The following LUC7L2 variants were observed in gnomAD, a reference collection of about 807,000 sequenced individuals.
The protein encoded by LUC7L2 is LUC7 like 2, pre-mRNA splicing factor, also known as putative RNA-binding protein Luc7-like 2.
LUC7L2 carries 25 observed loss-of-function variants against 52.8 expected under a neutral mutation model. That is an observed-to-expected ratio of 0.47 (90% CI 0.34 to 0.66). The LOEUF (loss-of-function observed/expected upper bound fraction) is 0.66. LUC7L2 is among the 30% of genes least tolerant of loss of function. LUC7L2 has a pLI of 0.01. For synonymous variants in LUC7L2, 144 were observed against 160.9 expected, an observed-to-expected ratio of 0.89 and a Z score of 0.80; for missense variants, 328 against 497.8, an observed-to-expected ratio of 0.66 and a Z score of 3.25.
chr7:139,398,974 T>C lies in LUC7L2; in HGVS notation c.255+277T>C, dbSNP rs1272506471. Among the ~76,000 whole-genome samples, 3 of 152,146 alleles carry C rather than the reference T, an allele frequency of 2.0e-5. No homozygotes were observed. The East Asian group carries it at 5.8e-4, about 29-fold the overall frequency. ...CAAAATAGTAATGATTAAGGAAATA[T>C]CAAGCAAATGTAAGCAACTAATTTA... On this transcript the variant is annotated intron_variant, in intron 3 of 9. Coordinates refer to ENST00000354926, the MANE Select transcript of LUC7L2 (RefSeq NM_016019.5).
Position 139,422,443 on chromosome 7 carries a change from G to A in LUC7L2, c.*103G>A. On this transcript the variant is annotated 3_prime_UTR_variant, in exon 10 of 10. Coordinates refer to ENST00000354926, the MANE Select transcript of LUC7L2 (RefSeq NM_016019.5). ...TGACAGTGAGCAGATCCAGACACCA[G>A]ATCCAGCTAGGCTAGATGTACAGTA... 1.3e-6 allele frequency: 2 copies of A among 1,486,414 alleles called. No individual in the cohort carries two copies. Among genetic ancestry groups the A allele is most frequent in the Non-Finnish European group, 1.8e-6 (2 of 1,120,048 alleles). The allele number at this position is 1,486,414 out of a possible 1,614,324, so 92.1% of individuals were successfully genotyped here.
At chr7:139,416,245 C>T (rs1035415724) in intron 8 of LUC7L2, 2 of 151,318 alleles carry the variant, frequency 1.3e-5, no homozygotes, top group Admixed American at 6.6e-5. Context: ...CGTTTATGTC[C>T]TCTCCATGCC....
intron 6 of LUC7L2, among the ~76,000 whole-genome samples, chr7:139,408,420 A>G (rs1303451230): frequency 6.6e-6 from 1 of 152,236 alleles, no homozygotes; most frequent in African/African-American, 2.4e-5. Flanking sequence ...AAATATTTCC[A>G]TATTAGAAAT....
At chr7:139,390,173 A>G (rs188701989) in intron 2 of LUC7L2, among the ~76,000 whole-genome samples, 1 of 152,266 alleles carries the variant, frequency 6.6e-6, no homozygotes, top group Admixed American at 6.5e-5. Flanking sequence ...CAAATGGATA[A>G]TACGAGGTAA....
chr7:139,421,751 A>G (rs1347568002), intron 9 of LUC7L2, among the ~76,000 whole-genome samples: 1 of 152,260 alleles, frequency 6.6e-6, no homozygotes, highest in Non-Finnish European at 1.5e-5. Flanking sequence ...CAAAGATTGC[A>G]TGGACCTGCA....
At chr7:139,365,813 A>G (rs951704567) in intron 1 of LUC7L2, among the ~76,000 whole-genome samples, 3 of 152,210 alleles carry the variant, frequency 2.0e-5, no homozygotes, top group Non-Finnish European at 2.9e-5. Flanking sequence ...AAGGTGAAGG[A>G]AGTTGGAACA....
intron 2 of LUC7L2, among the ~76,000 whole-genome samples, chr7:139,383,658 C>T (rs563883675): frequency 9.9e-5 from 15 of 151,776 alleles, no homozygotes; most frequent in African/African-American, 2.9e-4. Context: ...TCAGGTGATC[C>T]GCCCACCTCG....
intron 1 of LUC7L2, chr7:139,345,621 G>C: frequency 6.2e-7 from 1 of 1,614,140 alleles, no homozygotes. Context: ...TCATGGCAAG[G>C]GTGAGCGCTC....
intron 2 of LUC7L2, among the ~76,000 whole-genome samples, chr7:139,380,235 T>G (rs1177957197): frequency 6.6e-6 from 1 of 152,110 alleles, no homozygotes; most frequent in Non-Finnish European, 1.5e-5. Context: ...ATCAAAATAA[T>G]TATACGTTTA....
chr7:139,403,201 T>G (rs936560154), intron 4 of LUC7L2, among the ~76,000 whole-genome samples: 1 of 152,258 alleles, frequency 6.6e-6, no homozygotes, highest in Admixed American at 6.5e-5. Context: ...ACCTGTAAGT[T>G]ATAACCACAG....
intron 4 of LUC7L2, among the ~76,000 whole-genome samples, chr7:139,404,938 G>T (rs549337881): frequency 5.3e-5 from 8 of 152,330 alleles, no homozygotes; most frequent in African/African-American, 1.7e-4. Context: ...TCCTGAACTT[G>T]ATCCACCAAT....
chr7:139,345,543 T>A (rs773649709), intron 1 of LUC7L2: 45 of 1,614,096 alleles, frequency 2.8e-5, no homozygotes, highest in Non-Finnish European at 3.6e-5. Flanking sequence ...TGAGCTTCAT[T>A]TCCAAGCTGC....
At chr7:139,346,562 G>A (rs1453277233) in intron 1 of LUC7L2, among the ~76,000 whole-genome samples, 3 of 152,184 alleles carry the variant, frequency 2.0e-5, no homozygotes, top group Non-Finnish European at 2.9e-5. Context: ...AGATGGTGAA[G>A]CTCTTAGGGG....
At chr7:139,364,275 T>C (rs1426633622) in intron 1 of LUC7L2, among the ~76,000 whole-genome samples, 2 of 152,108 alleles carry the variant, frequency 1.3e-5, no homozygotes, top group Non-Finnish European at 2.9e-5. Context: ...TTAGGTAAGT[T>C]ATAGAAGGTA....
chr7:139,401,259 A>G (rs894276213), intron 3 of LUC7L2, among the ~76,000 whole-genome samples: 1 of 152,074 alleles, frequency 6.6e-6, no homozygotes, highest in Non-Finnish European at 1.5e-5. Flanking sequence ...AAAAGAAAAA[A>G]GGGTAAAAAT....
At chr7:139,418,763 C>T (rs1367541782) in intron 9 of LUC7L2, among the ~76,000 whole-genome samples, 2 of 152,104 alleles carry the variant, frequency 1.3e-5, no homozygotes, top group Admixed American at 6.6e-5. Flanking sequence ...CTGTACTAGA[C>T]TTAGTAAAAC....
intron 1 of LUC7L2, among the ~76,000 whole-genome samples, chr7:139,365,819 G>A (rs1569369120): frequency 6.6e-6 from 1 of 152,188 alleles, no homozygotes; most frequent in East Asian, 1.9e-4. Context: ...AAGGAAGTTG[G>A]AACATCTTAC....
At chr7:139,381,532 C>G (rs1420089637) in intron 2 of LUC7L2, among the ~76,000 whole-genome samples, 1 of 151,806 alleles carries the variant, frequency 6.6e-6, no homozygotes, top group African/African-American at 2.4e-5. Context: ...GCCTCAGCCT[C>G]CCGAGTAGCT....
chr7:139,381,354 A>G (rs945783738), intron 2 of LUC7L2, among the ~76,000 whole-genome samples: 49 of 93,288 alleles, frequency 5.3e-4, no homozygotes, highest in African/African-American at 2.4e-3. Flanking sequence ...AATTTTACAT[A>G]TTTTATTTTA....
Sources: gnomAD v4.1 joint callset for allele counts (sites outside exome capture counted in the v4.1 genomes callset) on GRCh38, gnomAD v4.1.1 for gene constraint, MANE v1.5 for transcripts, NCBI Gene and HGNC (gene_info 2026-07-23, HGNC 2026-07-21) for gene names.